SCD5: variants seen among roughly 807,000 people sequenced by gnomAD.
SCD5 encodes the protein acyl-CoA-desaturase 4.
In SCD5, 20 loss-of-function variants were observed where a neutral mutation model predicts 30.4. That is an observed-to-expected ratio of 0.66 (90% CI 0.46 to 0.96). The LOEUF (loss-of-function observed/expected upper bound fraction) is 0.96, where lower values mean the gene tolerates loss of function less well. Among genes scored for constraint, SCD5 ranks in the 40% least tolerant of loss-of-function variants. The probability of loss-of-function intolerance (pLI) is 0.00; values close to 1 mark genes in which losing one functional copy is unlikely to be tolerated. For missense variants in SCD5, 381 were observed against 443.3 expected (o/e 0.86, Z 1.26); for synonymous variants, 173 against 176.4 (o/e 0.98, Z 0.16).
At chr4:82,716,042 T>A (rs6821012) in intron 1 of SCD5, among the ~76,000 whole-genome samples, 87,727 of 151,632 alleles carry the variant, frequency 0.58, 26,754 homozygotes, top group African/African-American at 0.75. Context: ...TTCAGTACAA[T>A]GATACCAAGG....
intron 1 of SCD5, among the ~76,000 whole-genome samples, chr4:82,716,149 C>A (rs769873200): frequency 6.6e-6 from 1 of 151,784 alleles, no homozygotes; most frequent in Non-Finnish European, 1.5e-5. Flanking sequence ...TTCTTCGAAG[C>A]CTCTTCCTTT....
At chr4:82,663,260 C>T (rs1423630107) in intron 3 of SCD5, among the ~76,000 whole-genome samples, 1 of 152,196 alleles carries the variant, frequency 6.6e-6, no homozygotes, top group Non-Finnish European at 1.5e-5. Context: ...GGCTACCACA[C>T]AAGTAGATAA....
At chr4:82,798,095 G>T (rs1430222718) in intron 1 of SCD5, among the ~76,000 whole-genome samples, 1 of 150,688 alleles carries the variant, frequency 6.6e-6, no homozygotes, top group Non-Finnish European at 1.5e-5. Context: ...GCGGGGGGGG[G>T]GCGGAAGTTG....
At position 82,630,660 on chromosome 4, in the gene SCD5, A is replaced by C. The variant is rs1391243176; in HGVS notation, c.*667T>G. On this transcript the variant is annotated 3_prime_UTR_variant, in exon 5 of 5. Coordinates refer to ENST00000319540, the MANE Select transcript of SCD5 (RefSeq NM_001037582.3). ...TTAAATCGTAGTAATATTGACTTGA[A>C]AAGTTTTTTAGGCTGGGCGCGCTGG... 6.6e-6 allele frequency: 1 copy of C among 152,046 alleles called. No homozygotes were observed. The highest frequency in any genetic ancestry group is 1.5e-5 in the Non-Finnish European group (1 of 68,020). 9.4% of individuals were successfully genotyped at this position (152,046 alleles called of 1,614,324 possible). A position where few individuals can be genotyped will look rare whatever the true frequency, so the allele number is the denominator to read the frequency against.
chr4:82,737,155 T>G (rs1720769492), intron 1 of SCD5, among the ~76,000 whole-genome samples: 1 of 152,234 alleles, frequency 6.6e-6, no homozygotes, highest in South Asian at 2.1e-4. Context: ...GGGTATAACT[T>G]TCTCAAAAGC....
At chr4:82,786,324 C>A (rs1474421094) in intron 1 of SCD5, among the ~76,000 whole-genome samples, 1 of 152,142 alleles carries the variant, frequency 6.6e-6, no homozygotes, top group East Asian at 1.9e-4. Flanking sequence ...CATTTGTAAG[C>A]CACTGTCTCT....
chr4:82,641,050 C>A (rs148654542), intron 3 of SCD5, among the ~76,000 whole-genome samples: 1 of 152,034 alleles, frequency 6.6e-6, no homozygotes, highest in South Asian at 2.1e-4. Context: ...AAATGCTGTG[C>A]TAATAAATGT....
intron 3 of SCD5, among the ~76,000 whole-genome samples, chr4:82,669,306 T>TA (rs33968957): frequency 0.27 from 39,641 of 147,138 alleles, 5,913 homozygotes; most frequent in East Asian, 0.4. Flanking sequence ...TACATAACGT[T>TA]AAAAAAAAAA....
intron 3 of SCD5, among the ~76,000 whole-genome samples, chr4:82,674,288 A>C (rs1728389690): frequency 6.6e-6 from 1 of 152,224 alleles, no homozygotes; most frequent in South Asian, 2.1e-4. Context: ...AAGAACTCTG[A>C]AAACTTCACA....
intron 1 of SCD5, among the ~76,000 whole-genome samples, chr4:82,786,623 A>G (rs1721993177): frequency 6.6e-6 from 1 of 151,894 alleles, no homozygotes; most frequent in African/African-American, 2.4e-5. Context: ...AACATGGTGA[A>G]ACTACTAAAA....
At chr4:82,722,058 G>A (rs892566322) in intron 1 of SCD5, among the ~76,000 whole-genome samples, 2 of 152,218 alleles carry the variant, frequency 1.3e-5, no homozygotes, top group African/African-American at 4.8e-5. Context: ...AGTGCCTTAT[G>A]GAACTAAGCA....
intron 2 of SCD5, among the ~76,000 whole-genome samples, chr4:82,703,775 G>A (rs1262947642): frequency 2.6e-5 from 4 of 152,152 alleles, no homozygotes; most frequent in African/African-American, 9.7e-5. Context: ...AACTACATGA[G>A]TGTGTCATTG....
intron 1 of SCD5, among the ~76,000 whole-genome samples, chr4:82,749,444 A>C (rs1346601426): frequency 6.6e-6 from 1 of 152,186 alleles, no homozygotes. Flanking sequence ...CAATTTCTCC[A>C]ATGTTTTTAG....
At chr4:82,705,634 T>C (rs1334682868) in intron 1 of SCD5, among the ~76,000 whole-genome samples, 1 of 152,208 alleles carries the variant, frequency 6.6e-6, no homozygotes, top group Non-Finnish European at 1.5e-5. Flanking sequence ...ACTTTGACCT[T>C]TGAATATCCT....
intron 3 of SCD5, among the ~76,000 whole-genome samples, chr4:82,668,297 G>A (rs1051871069): frequency 2.0e-5 from 3 of 152,124 alleles, no homozygotes; most frequent in Admixed American, 6.6e-5. Flanking sequence ...TCAGTGGGAC[G>A]GAGATTGAGT....
At chr4:82,773,890 G>A (rs767313487) in intron 1 of SCD5, among the ~76,000 whole-genome samples, 7 of 152,080 alleles carry the variant, frequency 4.6e-5, no homozygotes, top group Non-Finnish European at 1.0e-4. Context: ...AGGAGTTTGA[G>A]ACCAGCCTAG....
At chr4:82,747,160 A>C (rs913118582) in intron 1 of SCD5, among the ~76,000 whole-genome samples, 4 of 151,350 alleles carry the variant, frequency 2.6e-5, no homozygotes, top group African/African-American at 9.7e-5. Flanking sequence ...ACTCCTGGCG[A>C]GGGGGAAAGG....
intron 1 of SCD5, among the ~76,000 whole-genome samples, chr4:82,778,503 C>A (rs1314269866): frequency 6.6e-6 from 1 of 152,244 alleles, no homozygotes; most frequent in Non-Finnish European, 1.5e-5. Flanking sequence ...AAGGTCCCTA[C>A]AAGGGCCGCA....
At chr4:82,735,473 A>C (rs565836333) in intron 1 of SCD5, among the ~76,000 whole-genome samples, 4 of 152,190 alleles carry the variant, frequency 2.6e-5, no homozygotes, top group Admixed American at 2.0e-4. Flanking sequence ...ATGGATACAA[A>C]TTACAGTAAA....
Sources: allele counts gnomAD v4.1 joint callset (sites outside exome capture counted in the v4.1 genomes callset), GRCh38; gene constraint gnomAD v4.1.1; transcripts MANE v1.5; gene names NCBI Gene and HGNC (gene_info 2026-07-23, HGNC 2026-07-21).